CEP350: variants seen among roughly 807,000 people sequenced by gnomAD.
CEP350 encodes the protein centrosome-associated protein 350.
In CEP350, 126 loss-of-function variants were observed where a neutral mutation model predicts 331.8. The ratio of observed to expected loss-of-function variants is 0.38; its 90% CI spans 0.33 to 0.44. CEP350 has a LOEUF of 0.44. Ranked by LOEUF, CEP350 falls within the 20% of genes least tolerant of loss-of-function variation. The pLI is 1.00. For synonymous variants in CEP350, 1,200 were observed against 1,259.5 expected, an observed-to-expected ratio of 0.95 and a Z score of 1.00; for missense variants, 3,406 against 3,634.6, an observed-to-expected ratio of 0.94 and a Z score of 1.62.
intron 7 of CEP350, 76 bp from the exon 8 acceptor site, chr1:180,006,378 T>G: frequency 2.6e-6 from 2 of 782,374 alleles, no homozygotes; most frequent in Non-Finnish European, 2.2e-6. Context: ...TTTATACAGA[T>G]TTTTCCTATG....
At chr1:180,014,655 G>A in intron 10 of CEP350, 150 bp downstream of exon 10, 1 of 758,824 alleles carries the variant, frequency 1.3e-6, no homozygotes, top group Non-Finnish European at 2.0e-6. Context: ...AATATGAGGA[G>A]TAATGTGATA....
rs540821367 is a variant in CEP350, at chr1:180,095,274, G to A, written c.8512-249G>A. On this transcript the variant is annotated intron_variant, in intron 34 of 37. Coordinates refer to ENST00000367607, the MANE Select transcript of CEP350 (RefSeq NM_014810.5). ...ACAGAATAATGATAATACAAAAAGCGGGGAGAGCCCTAATCAATAAACATT... is the reference window on the plus strand; with the variant it reads ...ACAGAATAATGATAATACAAAAAGCAGGGAGAGCCCTAATCAATAAACATT... 13 of 335,640 alleles carry A rather than the reference G, an allele frequency of 3.9e-5. No homozygotes were observed. The South Asian group carries it at 4.9e-4, about 13-fold the overall frequency. 20.8% of individuals were successfully genotyped at this position (335,640 alleles called of 1,614,324 possible).
At chr1:180,103,910 C>A (rs1187323651) in intron 37 of CEP350, among the ~76,000 whole-genome samples, 2 of 147,424 alleles carry the variant, frequency 1.4e-5, no homozygotes, top group African/African-American at 4.9e-5. Flanking sequence ...TTTAAATATA[C>A]AAATTTATAT....
At position 180,101,604 on chromosome 1, in the gene CEP350, C is replaced by T. The variant is rs116489748; in HGVS notation, c.9189+2619C>T. Among the ~76,000 whole-genome samples, 965 of 152,198 alleles carry T rather than the reference C, an allele frequency of 6.3e-3. 8 individuals carry two copies. The highest frequency in any genetic ancestry group is 0.022 in the African/African-American group (916 of 41,514). On this transcript the variant is annotated intron_variant, in intron 37 of 37. Transcript: ENST00000367607. ...CAGCTGGGTATCCTCTGAATCAGTTCTGATACTCCCTACCCAGATATAGTG... is the reference window on the plus strand; with the variant it reads ...CAGCTGGGTATCCTCTGAATCAGTTTTGATACTCCCTACCCAGATATAGTG...
intron 14 of CEP350, among the ~76,000 whole-genome samples, chr1:180,026,588 C>T (rs748671903): frequency 6.6e-6 from 1 of 152,232 alleles, no homozygotes. Context: ...TCATATTCCC[C>T]TACTGAACTC....
In CEP350 at chr1:180,014,066, A is replaced by G; in HGVS notation, c.1613A>G (p.Asp538Gly). Residue 538 changes from aspartate to glycine, a missense_variant, in exon 10 of 38, where the codon GAT (aspartate) becomes GGT (glycine). By Grantham distance (94) the Asp-to-Gly change is moderately conservative (BLOSUM62 -1). This residue lies in a region of CEP350 where 1,857 missense variants were observed against 1,909.2 expected (regional missense o/e 0.97). Transcript: ENST00000367607. ...IRGILDDLQL[D>G]STAHTAKQDT... Reference sequence around the variant, plus strand: ...GGCATTCTTGATGACCTACAGCTGGATTCTACAGCTCACACTGCAAAGCAA... The same window carrying G: ...GGCATTCTTGATGACCTACAGCTGGGTTCTACAGCTCACACTGCAAAGCAA... The G allele has an allele frequency of 1.2e-6, 2 of 1,612,292 alleles. No homozygotes were observed. The highest frequency in any genetic ancestry group is 1.7e-6 in the Non-Finnish European group (2 of 1,179,010).
chr1:180,099,041 T>G, intron 37 of CEP350, 56 bp downstream of exon 37: 1 of 1,540,656 alleles, frequency 6.5e-7, no homozygotes, highest in South Asian at 1.2e-5. Context: ...AAACTCAGAA[T>G]GCAGTTAGAT....
At position 180,110,885 on chromosome 1, in the gene CEP350, G is replaced by A. The variant is rs1191509358; in HGVS notation, c.9190-112G>A. ...ATCATATGAATTATCTTTTTTCTCT[G>A]GTTTATTTCCTTGGGCTGTATTCCT... On this transcript the variant is annotated intron_variant, in intron 37 of 37. Coordinates refer to ENST00000367607, the MANE Select transcript of CEP350 (RefSeq NM_014810.5). 3.2e-6 allele frequency: 3 copies of A among 923,460 alleles called. No homozygotes were observed. In the Admixed American group the frequency reaches 8.5e-5, roughly 26 times the overall value. The allele number at this position is 923,460 out of a possible 1,614,324, so 57.2% of individuals were successfully genotyped here. A position where few individuals can be genotyped will look rare whatever the true frequency, so the allele number is the denominator to read the frequency against.
intron 16 of CEP350, among the ~76,000 whole-genome samples, chr1:180,034,943 C>T (rs572682127): frequency 1.3e-5 from 2 of 152,256 alleles, no homozygotes; most frequent in African/African-American, 4.8e-5. Flanking sequence ...GAAGGGATGT[C>T]AAAAGCCAAG....
intron 37 of CEP350, among the ~76,000 whole-genome samples, chr1:180,099,936 C>G (rs948280762): frequency 2.0e-5 from 3 of 152,136 alleles, no homozygotes; most frequent in African/African-American, 7.2e-5. Flanking sequence ...CAGGCACCTG[C>G]AACCATGTCC....
Position 180,030,058 on chromosome 1 carries a change from C to A in CEP350, c.3551-1262C>A, listed in dbSNP as rs897442762. ...ATAAACCACATTTTGTTTATCCATT[C>A]ATCAGTTCACGGACATTTGGGTTGC... On this transcript the variant is annotated intron_variant, in intron 14 of 37. Transcript: ENST00000367607. Among the ~76,000 whole-genome samples, 12 of 152,068 alleles carry A rather than the reference C, an allele frequency of 7.9e-5. No individual in the cohort carries two copies. The East Asian group carries it at 2.3e-3, about 29-fold the overall frequency.
At chr1:180,061,032 G>C (rs1182747587) in intron 25 of CEP350, among the ~76,000 whole-genome samples, 2 of 152,020 alleles carry the variant, frequency 1.3e-5, no homozygotes, top group Non-Finnish European at 2.9e-5. Context: ...AAATATAACT[G>C]AATATTAACA....
chr1:180,044,239 C>G (rs1477997508), intron 21 of CEP350, 66 bp downstream of exon 21: 1 of 1,385,666 alleles, frequency 7.2e-7, no homozygotes, highest in Non-Finnish European at 9.5e-7. Context: ...TTAAACATTG[C>G]TTTCTTTGAT....
rs201636339 is a variant in CEP350 at position 180,010,510 on chromosome 1, T to TA, written c.1247-1414dup. ...ATTTTACCAGCATTGACTATTAATGTAAAAATGTTACAATAATTTAATTAG... is the reference window on the plus strand; with the variant it reads ...ATTTTACCAGCATTGACTATTAATGTAAAAAATGTTACAATAATTTAATTAG... On this transcript the variant is annotated intron_variant, in intron 8 of 37. Transcript: ENST00000367607. 4.1e-3 allele frequency among the ~76,000 whole-genome samples: 622 copies of TA among 151,932 alleles called. 1 individual carries two copies. Among genetic ancestry groups the TA allele is most frequent in the South Asian group, 0.013 (64 of 4,812 alleles).
rs1653473193 is a variant in CEP350, at chr1:179,996,610, A to G, written c.453A>G (p.Val151=). 3 of 1,604,998 alleles carry G rather than the reference A, an allele frequency of 1.9e-6. No homozygotes were observed. The highest frequency in any genetic ancestry group is 1.3e-5 in the African/African-American group (1 of 74,826). Residue 151 remains valine, a synonymous_variant, in exon 6 of 38, where the codon GTA becomes GTG. Transcript: ENST00000367607. ...FSSSHLESKH[V]YCVDVNEEKT... ...CCAGCCATCTGGAATCAAAGCACGTATACTGTGTAGATGTTAATGAAGAAA... is the reference window on the plus strand; with the variant it reads ...CCAGCCATCTGGAATCAAAGCACGTGTACTGTGTAGATGTTAATGAAGAAA...
chr1:180,093,737 T>C lies in CEP350; in HGVS notation c.7632T>C (p.Gly2544=), dbSNP rs2149134246. ...PEGNNNGTYD[G]IAYFECKEKH... ...GAAATAACAATGGAACATATGATGG[T>C]ATTGCATATTTTGAGTGCAAAGAAA... is the stretch of plus-strand genomic sequence containing the variant. The change falls in exon 34 of 38, where the codon GGT becomes GGC. Residue 2544 remains glycine (G), a synonymous_variant. Coordinates refer to ENST00000367607, the MANE Select transcript of CEP350 (RefSeq NM_014810.5). The C allele has an allele frequency of 6.2e-7, 1 of 1,613,932 alleles. No homozygotes were observed. Among genetic ancestry groups the C allele is most frequent in the Non-Finnish European group, 8.5e-7 (1 of 1,179,818 alleles).
intron 37 of CEP350, among the ~76,000 whole-genome samples, chr1:180,105,101 A>G (rs1661070281): frequency 6.6e-6 from 1 of 151,808 alleles, no homozygotes; most frequent in African/African-American, 2.4e-5. Context: ...TACCTCATCC[A>G]TGCCACCAAA....
chr1:179,987,413 ATAT>A (rs1454068677), intron 3 of CEP350, 127 bp downstream of exon 3: 10 of 227,020 alleles, frequency 4.4e-5, no homozygotes, highest in Admixed American at 2.9e-4. Context: ...ATAATACTAT[ATAT>A]TATTATATAT....
At chr1:180,032,320 G>C (rs943008677) in intron 15 of CEP350, among the ~76,000 whole-genome samples, 1 of 151,954 alleles carries the variant, frequency 6.6e-6, no homozygotes, top group Non-Finnish European at 1.5e-5. Flanking sequence ...ACCATTTTTA[G>C]TGCTTTCATG....
Sources: allele counts gnomAD v4.1 joint callset (sites outside exome capture counted in the v4.1 genomes callset), GRCh38; gene constraint gnomAD v4.1.1; regional missense constraint gnomAD v4.1.1; transcripts MANE v1.5; gene names NCBI Gene and HGNC (gene_info 2026-07-23, HGNC 2026-07-21).